Variants in ZXDC observed in about 807,000 individuals in gnomAD.
ZXDC encodes zinc finger protein ZXDC.
A neutral mutation model predicts 63.6 loss-of-function variants in ZXDC; 58 were observed. The observed-to-expected ratio is 0.91, with a 90% CI of 0.74 to 1.13. The LOEUF is 1.13. Among genes scored for constraint, ZXDC ranks in the 50% most tolerant of loss-of-function variants. ZXDC has a pLI of 0.00. For missense variants in ZXDC, 1,133 were observed against 1,148.9 expected (o/e 0.99, Z 0.20); for synonymous variants, 561 against 496.1 (o/e 1.13, Z -1.74).
At chr3:126,468,878 C>A (rs996807219) in intron 4 of ZXDC, among the ~76,000 whole-genome samples, 2 of 152,210 alleles carry the variant, frequency 1.3e-5, no homozygotes, top group East Asian at 1.9e-4. Context: ...TGTGCTGTTG[C>A]TGGTCCTGCC....
chr3:126,447,308 G>A (rs773883985), intron 7 of ZXDC, among the ~76,000 whole-genome samples: 12 of 152,118 alleles, frequency 7.9e-5, no homozygotes, highest in Non-Finnish European at 1.3e-4. Flanking sequence ...GAGTGAGCCT[G>A]GCATATTTTA....
At position 126,475,881 on chromosome 3, in the gene ZXDC, G is replaced by C. The variant is rs920710609; in HGVS notation, c.-16C>G. On this transcript the variant is annotated 5_prime_UTR_variant, in exon 1 of 10. Transcript: ENST00000389709. The stretch of plus-strand genomic sequence containing the variant: ...GGAGGTCCATCTTGGTCCCAGCGAC[G>C]GCGTCGGAGCAGCTTCGGACGCAGA... 5.8e-5 allele frequency: 62 copies of C among 1,074,456 alleles called. No homozygotes were observed. The African/African-American group carries it at 6.4e-4, about 11-fold the overall frequency. The allele number at this position is 1,074,456 out of a possible 1,614,324, so 66.6% of individuals were successfully genotyped here. A position where few individuals can be genotyped will look rare whatever the true frequency, so the allele number is the denominator to read the frequency against.
intron 7 of ZXDC, chr3:126,453,847 G>A: frequency 2.0e-6 from 2 of 985,106 alleles, no homozygotes; most frequent in Non-Finnish European, 1.2e-6. Context: ...TTACAGGCAT[G>A]AGCCACCGCG....
intron 6 of ZXDC, 55 bp downstream of exon 6, chr3:126,461,480 A>C (rs1196625187): frequency 6.5e-7 from 1 of 1,541,240 alleles, no homozygotes; most frequent in Non-Finnish European, 8.7e-7. Flanking sequence ...TATCCTCAAG[A>C]CCGAGTATGA....
chr3:126,459,299 C>T, intron 7 of ZXDC: 1 of 985,432 alleles, frequency 1.0e-6, no homozygotes, highest in Non-Finnish European at 1.2e-6. Context: ...TCTGCCATGC[C>T]AAGATCAGGC....
chr3:126,441,465 G>C (rs1331703068), intron 8 of ZXDC: 1 of 1,179,636 alleles, frequency 8.5e-7, no homozygotes, highest in Non-Finnish European at 1.0e-6. Flanking sequence ...GGGGCCTCGG[G>C]CAGGGAGGCG....
intron 7 of ZXDC, among the ~76,000 whole-genome samples, chr3:126,449,414 G>A (rs962521779): frequency 1.1e-4 from 16 of 152,062 alleles, no homozygotes; most frequent in African/African-American, 1.2e-4. Context: ...AACCCCTGTA[G>A]GTCCTCACAA....
chr3:126,458,958 G>A (rs1934415176), intron 7 of ZXDC: 3 of 980,732 alleles, frequency 3.1e-6, no homozygotes, highest in Non-Finnish European at 3.6e-6. Context: ...ATACTATTAG[G>A]AATAGAGAGC....
chr3:126,443,246 A>G (rs1462740291), intron 7 of ZXDC: 1 of 152,214 alleles, frequency 6.6e-6, no homozygotes, highest in Non-Finnish European at 1.5e-5. Flanking sequence ...TTCATCCATC[A>G]GTGTTCCAGA....
At position 126,475,742 on chromosome 3, in the gene ZXDC, G is replaced by T. The variant is rs1174230416; in HGVS notation, c.124C>A (p.Leu42Met). 3.4e-6 allele frequency: 4 copies of T among 1,175,316 alleles called. No individual in the cohort carries two copies. In the African/African-American group the frequency reaches 6.5e-5, roughly 19 times the overall value. The allele number at this position is 1,175,316 out of a possible 1,614,324, so 72.8% of individuals were successfully genotyped here. A position where few individuals can be genotyped will look rare whatever the true frequency, so the allele number is the denominator to read the frequency against. ...CCGCCATCTTCAGGGCCCCGCACCA[G>T]TAGCAGGCGGCGGCGCGCGGGGCTC... is the stretch of plus-strand genomic sequence containing the variant. ...GASPARRRLL[L>M]VRGPEDGGPG... Residue 42 changes from leucine to methionine, a missense_variant, in exon 1 of 10, where the codon CTG becomes ATG. By Grantham distance (15) the Leu-to-Met change is conservative. Coordinates refer to ENST00000389709, the MANE Select transcript of ZXDC (RefSeq NM_025112.5).
At chr3:126,462,898 G>A (rs1039431627) in intron 5 of ZXDC, among the ~76,000 whole-genome samples, 3 of 151,998 alleles carry the variant, frequency 2.0e-5, no homozygotes, top group African/African-American at 4.8e-5. Flanking sequence ...CCCCCTAGAC[G>A]GAGCTTTTCC....
At chr3:126,470,760 G>A (rs1387434767) in intron 4 of ZXDC, 135 bp downstream of exon 4, 25 of 1,284,764 alleles carry the variant, frequency 1.9e-5, no homozygotes, top group Non-Finnish European at 2.7e-5. Context: ...AATGAGGTAA[G>A]TAAACATAAT....
At chr3:126,461,079 AC>A in intron 6 of ZXDC, 5 of 982,776 alleles carry the variant, frequency 5.1e-6, no homozygotes, top group Non-Finnish European at 6.0e-6. Context: ...CATAAACCCC[AC>A]CCTTTTTTTT....
chr3:126,471,849 T>A, intron 3 of ZXDC, 124 bp downstream of exon 3: 2 of 776,546 alleles, frequency 2.6e-6, no homozygotes, highest in Admixed American at 3.7e-5. Flanking sequence ...TTCCAAATCA[T>A]CAACACTGAG....
In ZXDC at chr3:126,474,870, G is replaced by A. The variant is rs1051406388; in HGVS notation, c.907+89C>T. 5 of 1,415,110 alleles carry A rather than the reference G, an allele frequency of 3.5e-6. No homozygotes were observed. In the South Asian group the frequency reaches 7.1e-5, roughly 20 times the overall value. The allele number at this position is 1,415,110 out of a possible 1,614,324, so 87.7% of individuals were successfully genotyped here. On this transcript the variant is annotated intron_variant, in intron 1 of 9. Coordinates refer to ENST00000389709, the MANE Select transcript of ZXDC (RefSeq NM_025112.5). The stretch of plus-strand genomic sequence containing the variant: ...GAGCCTGCGTCCCCGGCTTGCTAAG[G>A]TCTGGCAGGCCCCTCTGTGGGGCGG...
At chr3:126,442,785 G>C (rs1933733462) in intron 7 of ZXDC, 1 of 152,170 alleles carries the variant, frequency 6.6e-6, no homozygotes, top group African/African-American at 2.4e-5. Context: ...GGATGTGTGG[G>C]ATCCAGCTAT....
chr3:126,467,644 G>A (rs1934825024), intron 4 of ZXDC, among the ~76,000 whole-genome samples: 2 of 152,144 alleles, frequency 1.3e-5, no homozygotes, highest in African/African-American at 4.8e-5. Flanking sequence ...CTGCAAACTC[G>A]TTTCCAGGTC....
intron 7 of ZXDC, among the ~76,000 whole-genome samples, chr3:126,448,823 A>C (rs1172578818): frequency 6.6e-6 from 1 of 152,090 alleles, no homozygotes; most frequent in Non-Finnish European, 1.5e-5. Flanking sequence ...CGCTCCACAC[A>C]CCCTCTAATC....
At chr3:126,458,913 C>G (rs1029722034) in intron 7 of ZXDC, 4 of 984,622 alleles carry the variant, frequency 4.1e-6, no homozygotes, top group African/African-American at 3.5e-5. Flanking sequence ...AACAGAAAAC[C>G]GGCAATTGTT....
Sources: gnomAD v4.1 joint callset for allele counts (sites outside exome capture counted in the v4.1 genomes callset) on GRCh38, gnomAD v4.1.1 for gene constraint, MANE v1.5 for transcripts, NCBI Gene and HGNC (gene_info 2026-07-23, HGNC 2026-07-21) for gene names.